The following BACH2 variants were observed in gnomAD, a reference collection of about 807,000 sequenced individuals.
BACH2 encodes BACH transcriptional regulator 2, also known as transcription regulator protein BACH2.
In BACH2, 5 loss-of-function variants were observed where a neutral mutation model predicts 61.8. That is an observed-to-expected ratio of 0.08 (90% confidence interval 0.04 to 0.17). The LOEUF is 0.17. Among genes scored for constraint, BACH2 ranks in the 10% least tolerant of loss-of-function variants. The probability of loss-of-function intolerance (pLI) is 1.00; values close to 1 mark genes in which losing one functional copy is unlikely to be tolerated. For missense variants in BACH2, 824 were observed against 1,091.1 expected (o/e 0.76, Z 3.45); for synonymous variants, 446 against 440.1 (o/e 1.01, Z -0.17).
intron 3 of BACH2, among the ~76,000 whole-genome samples, chr6:90,246,318 T>C (rs1770636514): frequency 6.6e-6 from 1 of 152,216 alleles, no homozygotes; most frequent in Non-Finnish European, 1.5e-5. Context: ...CTGAAAGTTA[T>C]AAAACATCAA....
chr6:89,975,692 C>T (rs747690670), intron 6 of BACH2, among the ~76,000 whole-genome samples: 2 of 152,178 alleles, frequency 1.3e-5, no homozygotes, highest in African/African-American at 2.4e-5. Flanking sequence ...TCTTGGGAAG[C>T]TCAGCCCAAA....
intron 3 of BACH2, among the ~76,000 whole-genome samples, chr6:90,244,912 A>G (rs2127867032): frequency 6.6e-6 from 1 of 152,328 alleles, no homozygotes; most frequent in Non-Finnish European, 1.5e-5. Flanking sequence ...AATAGGCTTT[A>G]GCCAGGTGTG....
Position 89,930,597 on chromosome 6 carries a change from C to T in BACH2, c.*1811G>A, listed in dbSNP as rs1337708650. The T allele has an allele frequency of 6.5e-6, 1 of 152,822 alleles. No individual in the cohort carries two copies. The highest frequency in any genetic ancestry group is 1.9e-4 in the East Asian group (1 of 5,310). 9.5% of individuals were successfully genotyped at this position (152,822 alleles called of 1,614,324 possible). A position where few individuals can be genotyped will look rare whatever the true frequency, so the allele number is the denominator to read the frequency against. On this transcript the variant is annotated 3_prime_UTR_variant, in exon 9 of 9. Transcript: ENST00000257749. ...CACTGGAGCGAGGGAGCTGATTCCT[C>T]CTCCTCTGGGGCACACCTTCCTGTA...
chr6:90,099,271 C>G (rs973224015), intron 4 of BACH2, among the ~76,000 whole-genome samples: 3 of 152,188 alleles, frequency 2.0e-5, no homozygotes, highest in Admixed American at 1.3e-4. Flanking sequence ...AGCCTAAAGT[C>G]AGAGAGACCC....
chr6:90,045,364 A>C (rs1779727538), intron 5 of BACH2, among the ~76,000 whole-genome samples: 2 of 152,218 alleles, frequency 1.3e-5, no homozygotes, highest in Admixed American at 6.5e-5. Context: ...ATCTTATCAC[A>C]GCATGTTGTG....
At chr6:90,123,712 G>A (rs899413425) in intron 4 of BACH2, among the ~76,000 whole-genome samples, 3 of 138,266 alleles carry the variant, frequency 2.2e-5, no homozygotes, top group Admixed American at 7.5e-5. Context: ...GGAGCTTGCA[G>A]TGAGCCGAGA....
chr6:90,265,396 T>G (rs1280110310), intron 2 of BACH2, among the ~76,000 whole-genome samples: 1 of 152,238 alleles, frequency 6.6e-6, no homozygotes, highest in Non-Finnish European at 1.5e-5. Flanking sequence ...AAGAGAACTT[T>G]AGGCTGTACA....
chr6:90,096,310 G>A (rs1219261581), intron 4 of BACH2, among the ~76,000 whole-genome samples: 1 of 152,120 alleles, frequency 6.6e-6, no homozygotes, highest in African/African-American at 2.4e-5. Context: ...TAGCCATGCT[G>A]GTTACTTCTC....
In BACH2 at chr6:90,126,632, G is replaced by A. The variant is rs1027753121; in HGVS notation, c.-161-37523C>T. On this transcript the variant is annotated intron_variant, in intron 4 of 8. Coordinates refer to ENST00000257749, the MANE Select transcript of BACH2 (RefSeq NM_021813.4). ...ATATTCAACATAACAGCAATAAAAT[G>A]TAAAACACTGAGAAGCATCTCTCTC... is the stretch of plus-strand genomic sequence containing the variant. 2.0e-5 allele frequency among the ~76,000 whole-genome samples: 3 copies of A among 152,334 alleles called. No homozygotes were observed. The East Asian group carries it at 5.8e-4, about 29-fold the overall frequency.
At chr6:90,044,772 C>T (rs1357921606) in intron 5 of BACH2, among the ~76,000 whole-genome samples, 1 of 151,976 alleles carries the variant, frequency 6.6e-6, no homozygotes, top group African/African-American at 2.4e-5. Context: ...AACGATGGCA[C>T]CAAGGATTTC....
At chr6:89,938,456 TG>T in intron 7 of BACH2, 106 bp from the exon 8 acceptor site, 1 of 869,810 alleles carries the variant, frequency 1.1e-6, no homozygotes. Context: ...CCAAGTAATA[TG>T]GAAACTACTG....
At position 89,931,812 on chromosome 6, in the gene BACH2, T is replaced by C. The variant is rs772353050; in HGVS notation, c.*596A>G. The C allele has an allele frequency of 7.9e-5, 12 of 152,474 alleles. No individual in the cohort carries two copies. Among genetic ancestry groups the C allele is most frequent in the Middle Eastern group, 3.4e-3 (1 of 290 alleles). 9.4% of individuals were successfully genotyped at this position (152,474 alleles called of 1,614,324 possible). ...GCAAGAAAAATGACCATGTTAACAGTTACCAAACTAGTTCTAGCATCAGAG... is the reference window on the plus strand; with the variant it reads ...GCAAGAAAAATGACCATGTTAACAGCTACCAAACTAGTTCTAGCATCAGAG... On this transcript the variant is annotated 3_prime_UTR_variant, in exon 9 of 9. Coordinates refer to ENST00000257749, the MANE Select transcript of BACH2 (RefSeq NM_021813.4).
chr6:89,981,605 G>A, intron 6 of BACH2, among the ~76,000 whole-genome samples: 1 of 152,014 alleles, frequency 6.6e-6, no homozygotes, highest in East Asian at 1.9e-4. Context: ...TTAAAACTGA[G>A]AAAAAAATAA....
At chr6:90,209,543 G>A (rs1769271455) in intron 3 of BACH2, among the ~76,000 whole-genome samples, 1 of 152,132 alleles carries the variant, frequency 6.6e-6, no homozygotes, top group Non-Finnish European at 1.5e-5. Context: ...GCACTTAACT[G>A]GAAAGCTTGC....
chr6:90,102,909 ACTT>A (rs1345341858), intron 4 of BACH2, among the ~76,000 whole-genome samples: 3 of 144,058 alleles, frequency 2.1e-5, no homozygotes, highest in South Asian at 2.1e-4. Context: ...CTGCTAACCT[ACTT>A]CTTCTTTCCA....
chr6:89,999,979 C>T (rs1224628941), intron 6 of BACH2, among the ~76,000 whole-genome samples: 2 of 152,194 alleles, frequency 1.3e-5, no homozygotes, highest in African/African-American at 2.4e-5. Context: ...TTTTTGTCTA[C>T]TCAACTCCTA....
intron 4 of BACH2, among the ~76,000 whole-genome samples, chr6:90,202,138 C>T (rs1582479043): frequency 1.3e-5 from 2 of 152,154 alleles, no homozygotes; most frequent in East Asian, 1.9e-4. Flanking sequence ...CTTGCAAGCA[C>T]AGTGCATGGC....
chr6:89,975,205 TTTATTTTCCA>T (rs1421503576), intron 6 of BACH2, among the ~76,000 whole-genome samples: 1 of 152,218 alleles, frequency 6.6e-6, no homozygotes, highest in Non-Finnish European at 1.5e-5. Context: ...GATTTTTTCT[TTTATTTTCCA>T]AGGAATTTGA....
chr6:90,113,854 C>A (rs564233765), intron 4 of BACH2, among the ~76,000 whole-genome samples: 54 of 152,034 alleles, frequency 3.6e-4, no homozygotes, highest in African/African-American at 1.3e-3. Flanking sequence ...ACTGACCACA[C>A]AGAAATAAAA....
Sources: allele counts gnomAD v4.1 joint callset (sites outside exome capture counted in the v4.1 genomes callset), GRCh38; gene constraint gnomAD v4.1.1; transcripts MANE v1.5; gene names NCBI Gene and HGNC (gene_info 2026-07-23, HGNC 2026-07-21).